Variants in PDE11A observed in about 807,000 individuals in gnomAD.
PDE11A encodes phosphodiesterase 11A.
In PDE11A, 100 loss-of-function variants were observed where a neutral mutation model predicts 100.5. The ratio of observed to expected loss-of-function variants is 1.00; its 90% CI spans 0.85 to 1.18. PDE11A has a LOEUF of 1.18. Among genes scored for constraint, PDE11A ranks in the 50% most tolerant of loss-of-function variants. The probability of loss-of-function intolerance (pLI) is 0.00; values close to 1 mark genes in which losing one functional copy is unlikely to be tolerated. For synonymous variants in PDE11A, 381 were observed against 420.8 expected (o/e 0.91, Z 1.16); for missense variants, 1,141 against 1,152.6 (o/e 0.99, Z 0.15).
intron 2 of PDE11A, among the ~76,000 whole-genome samples, chr2:177,906,202 C>A (rs1266486489): frequency 6.6e-6 from 1 of 152,010 alleles, no homozygotes; most frequent in Non-Finnish European, 1.5e-5. Context: ...CGCACGCACG[C>A]ACACAATGGT....
chr2:177,631,561 A>G (rs1458236000), intron 19 of PDE11A, among the ~76,000 whole-genome samples: 1 of 38,814 alleles, frequency 2.6e-5, no homozygotes, highest in East Asian at 1.1e-3. Flanking sequence ...ATGTATATAT[A>G]TATATATACA....
At chr2:178,026,593 A>G (rs2086481318) in intron 1 of PDE11A, among the ~76,000 whole-genome samples, 1 of 151,742 alleles carries the variant, frequency 6.6e-6, no homozygotes, top group South Asian at 2.1e-4. Context: ...CCCAGGAGGC[A>G]GAGGTTGCAG....
At chr2:177,903,901 A>AAAGATG (rs1209679886) in intron 3 of PDE11A, among the ~76,000 whole-genome samples, 1 of 152,218 alleles carries the variant, frequency 6.6e-6, no homozygotes, top group African/African-American at 2.4e-5. Flanking sequence ...GGAGCACGGT[A>AAAGATG]AGACATGGGG....
chr2:177,657,914 G>T (rs1312084207), intron 19 of PDE11A, among the ~76,000 whole-genome samples: 1 of 152,200 alleles, frequency 6.6e-6, no homozygotes, highest in Non-Finnish European at 1.5e-5. Context: ...TGCCCCAGGG[G>T]GACTGAGGAA....
chr2:177,660,684 T>C (rs2080473942), intron 19 of PDE11A, among the ~76,000 whole-genome samples: 1 of 152,216 alleles, frequency 6.6e-6, no homozygotes, highest in Non-Finnish European at 1.5e-5. Flanking sequence ...CAGGTGCCAA[T>C]TAGGCACATA....
chr2:178,035,064 C>A (rs2196341), intron 1 of PDE11A, among the ~76,000 whole-genome samples: 1 of 150,962 alleles, frequency 6.6e-6, no homozygotes. Flanking sequence ...AAAAACCCTT[C>A]GAAAAAAATC....
At chr2:177,773,228 G>C (rs1449580658) in intron 9 of PDE11A, among the ~76,000 whole-genome samples, 3 of 151,982 alleles carry the variant, frequency 2.0e-5, no homozygotes, top group Non-Finnish European at 4.4e-5. Flanking sequence ...GGCCCAGGCT[G>C]GTCTTGAACT....
intron 19 of PDE11A, among the ~76,000 whole-genome samples, chr2:177,646,078 G>A (rs1439088116): frequency 6.6e-6 from 1 of 152,098 alleles, no homozygotes. Flanking sequence ...CTGAATTAAT[G>A]AGGCAGGAAT....
chr2:177,929,231 G>T (rs1191442953), intron 2 of PDE11A, among the ~76,000 whole-genome samples: 2 of 152,128 alleles, frequency 1.3e-5, no homozygotes, highest in Non-Finnish European at 2.9e-5. Flanking sequence ...AGCCCACAGG[G>T]TGTAGGCTCA....
intron 15 of PDE11A, among the ~76,000 whole-genome samples, chr2:177,681,709 C>T (rs1003254782): frequency 3.3e-5 from 5 of 152,166 alleles, no homozygotes; most frequent in Non-Finnish European, 7.4e-5. Context: ...CTAGTACAGG[C>T]CATGATGGGA....
At chr2:178,107,117 C>T (rs2087628946) in intron 1 of PDE11A, among the ~76,000 whole-genome samples, 1 of 152,008 alleles carries the variant, frequency 6.6e-6, no homozygotes, top group Admixed American at 6.6e-5. Context: ...TAACATATTT[C>T]CATTATAACT....
chr2:178,094,013 T>G (rs2087457384), intron 2 of PDE11A, among the ~76,000 whole-genome samples: 1 of 152,176 alleles, frequency 6.6e-6, no homozygotes, highest in African/African-American at 2.4e-5. Flanking sequence ...TAACTATGCA[T>G]AAGGAAGACA....
chr2:177,766,197 A>G lies in PDE11A; in HGVS notation c.1788+3126T>C, dbSNP rs558958008. Among the ~76,000 whole-genome samples, 3 of 152,310 alleles carry G rather than the reference A, an allele frequency of 2.0e-5. No homozygotes were observed. The South Asian group carries it at 6.2e-4, about 32-fold the overall frequency. On this transcript the variant is annotated intron_variant, in intron 10 of 19. Coordinates refer to ENST00000286063, the MANE Select transcript of PDE11A (RefSeq NM_016953.4). ...TTGGAATAAAATTGTTCTACCTCAT[A>G]TCATCAGGCATTGGATTCTCATAAG...
At chr2:177,939,525 GAGGGAGGAAGGAAGGA>G (rs879906901) in intron 2 of PDE11A, among the ~76,000 whole-genome samples, 8,057 of 103,516 alleles carry the variant, frequency 0.078, 276 homozygotes, top group South Asian at 0.14. Flanking sequence ...GGAAGGGAGG[GAGGGAGGAAGGAAGGA>G]AGGAAGGAAG....
chr2:177,780,550 A>C (rs889626162), intron 9 of PDE11A, among the ~76,000 whole-genome samples: 6 of 152,228 alleles, frequency 3.9e-5, no homozygotes, highest in Non-Finnish European at 8.8e-5. Context: ...CCTAGATGGC[A>C]TCTTCTTCCA....
At chr2:178,038,411 T>C (rs2086643443) in intron 1 of PDE11A, among the ~76,000 whole-genome samples, 2 of 151,708 alleles carry the variant, frequency 1.3e-5, no homozygotes. Flanking sequence ...ACTTCTTTCA[T>C]TCCACATTAT....
intron 1 of PDE11A, among the ~76,000 whole-genome samples, chr2:178,044,442 A>ATATATATATG (rs2086723395): frequency 3.4e-5 from 5 of 147,960 alleles, no homozygotes; most frequent in African/African-American, 1.2e-4. Flanking sequence ...ATACATAAAC[A>ATATATATATG]TATATATGTA....
Position 177,818,042 on chromosome 2 carries a change from C to G in PDE11A, c.1577-117G>C, listed in dbSNP as rs2083072803. The G allele has an allele frequency of 4.3e-6, 3 of 691,890 alleles. 1 individual carries two copies. Among genetic ancestry groups the G allele is most frequent in the Non-Finnish European group, 5.3e-6 (2 of 375,104 alleles). The allele number at this position is 691,890 out of a possible 1,614,324, so 42.9% of individuals were successfully genotyped here. A position where few individuals can be genotyped will look rare whatever the true frequency, so the allele number is the denominator to read the frequency against. ...TAAGGAACTGCACTCAGTTTAAACTCTGGTCTCTCAAGTGCCTGCCGATTT... is the reference window on the plus strand; with the variant it reads ...TAAGGAACTGCACTCAGTTTAAACTGTGGTCTCTCAAGTGCCTGCCGATTT... On this transcript the variant is annotated intron_variant, in intron 7 of 19. Transcript: ENST00000286063.
chr2:177,783,000 G>GC (rs1156653774), intron 9 of PDE11A, among the ~76,000 whole-genome samples: 1 of 152,076 alleles, frequency 6.6e-6, no homozygotes, highest in Non-Finnish European at 1.5e-5. Context: ...AATAGATTTT[G>GC]CCCCTGCCAC....
Sources: allele counts gnomAD v4.1 joint callset (sites outside exome capture counted in the v4.1 genomes callset), GRCh38; gene constraint gnomAD v4.1.1; transcripts MANE v1.5; gene names NCBI Gene and HGNC (gene_info 2026-07-23, HGNC 2026-07-21).